PRKACB: variants seen among roughly 807,000 people sequenced by gnomAD.
PRKACB encodes cAMP-dependent protein kinase catalytic subunit beta.
A neutral mutation model predicts 51.4 loss-of-function variants in PRKACB; 16 were observed. The ratio of observed to expected loss-of-function variants is 0.31; its 90% CI spans 0.21 to 0.47. The LOEUF (loss-of-function observed/expected upper bound fraction) is 0.47. Among genes scored for constraint, PRKACB ranks in the 20% least tolerant of loss-of-function variants. PRKACB has a pLI of 1.00. For synonymous variants in PRKACB, 147 were observed against 154.4 expected, an observed-to-expected ratio of 0.95 and a Z score of 0.35; for missense variants, 309 against 464.5, an observed-to-expected ratio of 0.67 and a Z score of 3.08.
chr1:84,206,186 A>T (rs1671315516), intron 8 of PRKACB, among the ~76,000 whole-genome samples: 1 of 152,214 alleles, frequency 6.6e-6, no homozygotes, highest in Non-Finnish European at 1.5e-5. Context: ...CAACATATCT[A>T]ATGTAAATAT....
At chr1:84,204,382 G>A in intron 8 of PRKACB, 2 of 890,334 alleles carry the variant, frequency 2.2e-6, no homozygotes, top group Non-Finnish European at 3.7e-6. Flanking sequence ...GCAGAATGCA[G>A]TACTTATTTA....
chr1:84,097,134 T>C (rs935359103), intron 1 of PRKACB, among the ~76,000 whole-genome samples: 1 of 152,080 alleles, frequency 6.6e-6, no homozygotes, highest in Non-Finnish European at 1.5e-5. Flanking sequence ...TTTTTCTTTC[T>C]ACATTTGATG....
At position 84,127,887 on chromosome 1, in the gene PRKACB, T is replaced by C. The variant is rs188300433; in HGVS notation, c.46+49516T>C. 1.2e-3 allele frequency among the ~76,000 whole-genome samples: 177 copies of C among 152,180 alleles called. 1 individual carries two copies. Among genetic ancestry groups the C allele is most frequent in the Non-Finnish European group, 1.9e-3 (131 of 67,968 alleles). ...ATAAATATGTACTTAGTGGGAATTT[T>C]TTGTTTAAAGTAAGCCAATTTGCCA... On this transcript the variant is annotated intron_variant, in intron 1 of 8. Coordinates refer to the PRKACB transcript ENST00000370688.
At chr1:84,120,181 T>A (rs1193874605) in intron 1 of PRKACB, among the ~76,000 whole-genome samples, 1 of 152,138 alleles carries the variant, frequency 6.6e-6, no homozygotes, top group Non-Finnish European at 1.5e-5. Flanking sequence ...AATTCATATT[T>A]CTTGAAGAGT....
chr1:84,103,606 G>A (rs559799202), intron 1 of PRKACB, among the ~76,000 whole-genome samples: 4 of 152,240 alleles, frequency 2.6e-5, no homozygotes, highest in South Asian at 2.1e-4. Context: ...CCAGCTTCTC[G>A]CAGCTGTTGA....
intron 1 of PRKACB, among the ~76,000 whole-genome samples, chr1:84,101,890 A>G (rs1404608321): frequency 6.6e-6 from 1 of 152,172 alleles, no homozygotes; most frequent in Non-Finnish European, 1.5e-5. Flanking sequence ...AGAATTCTCT[A>G]GATTCCTGTG....
At chr1:84,165,886 A>G (rs1657280645) in intron 1 of PRKACB, among the ~76,000 whole-genome samples, 1 of 151,760 alleles carries the variant, frequency 6.6e-6, no homozygotes, top group Non-Finnish European at 1.5e-5. Context: ...GAAGTAGAAT[A>G]TGGTTTCTCT....
chr1:84,182,436 T>G (rs1318609986), intron 3 of PRKACB, 108 bp downstream of exon 3: 1 of 835,614 alleles, frequency 1.2e-6, no homozygotes, highest in Middle Eastern at 4.2e-4. Flanking sequence ...TCAAATAATT[T>G]TATTATTAAA....
In PRKACB at chr1:84,214,328, C is replaced by CT; in HGVS notation, c.1071+17dup. ...ATTTACCAGAGGAAGGTGAGACTTTCTTTTTTAATTTAAAAGCTTTTTTAA... is the reference window on the plus strand; with the variant it reads ...ATTTACCAGAGGAAGGTGAGACTTTCTTTTTTTAATTTAAAAGCTTTTTTAA... On this transcript the variant is annotated intron_variant, in intron 9 of 9. Coordinates refer to ENST00000370685, the MANE Select transcript of PRKACB (RefSeq NM_182948.4). The CT allele has an allele frequency of 1.3e-6, 2 of 1,549,606 alleles. No homozygotes were observed.
intron 1 of PRKACB, chr1:84,173,321 T>G: frequency 1.3e-6 from 2 of 1,568,272 alleles, no homozygotes; most frequent in Middle Eastern, 1.7e-4. Context: ...TTATTCTTTT[T>G]GATCAAGCAC....
intron 1 of PRKACB, among the ~76,000 whole-genome samples, chr1:84,119,282 G>T (rs1225880740): frequency 6.6e-6 from 1 of 152,042 alleles, no homozygotes; most frequent in Non-Finnish European, 1.5e-5. Flanking sequence ...CTAGTGGGGA[G>T]AACTTTATTT....
At chr1:84,203,332 C>T (rs1351565483) in intron 8 of PRKACB, among the ~76,000 whole-genome samples, 1 of 151,966 alleles carries the variant, frequency 6.6e-6, no homozygotes, top group Non-Finnish European at 1.5e-5. Flanking sequence ...TTTTAGCAAA[C>T]ATGGAAATAA....
intron 7 of PRKACB, among the ~76,000 whole-genome samples, chr1:84,199,924 C>T (rs539664319): frequency 1.3e-5 from 2 of 152,250 alleles, no homozygotes; most frequent in Non-Finnish European, 2.9e-5. Context: ...CGGTTCACTA[C>T]AACCTCTGCC....
intron 9 of PRKACB, among the ~76,000 whole-genome samples, chr1:84,232,622 A>G (rs1168594923): frequency 6.6e-6 from 1 of 152,110 alleles, no homozygotes; most frequent in South Asian, 2.1e-4. Context: ...TATATTTAGG[A>G]TAGTTAGCTC....
chr1:84,134,243 G>C (rs1200244081), intron 1 of PRKACB, among the ~76,000 whole-genome samples: 1 of 152,142 alleles, frequency 6.6e-6, no homozygotes, highest in Non-Finnish European at 1.5e-5. Flanking sequence ...TTGGGGCAGG[G>C]CAGGCCATGG....
chr1:84,192,364 T>A lies in PRKACB; in HGVS notation c.561-4252T>A, dbSNP rs937742409. ...CTGTACAATATTTTCTTGTCTCAAT[T>A]CTTTGTCCCTGAAGGTAAGATTGTT... is the stretch of plus-strand genomic sequence containing the variant. On this transcript the variant is annotated intron_variant, in intron 5 of 9. Coordinates refer to ENST00000370685, the MANE Select transcript of PRKACB (RefSeq NM_182948.4). Among the ~76,000 whole-genome samples the A allele has an allele frequency of 5.9e-5, 9 of 152,188 alleles. 1 individual carries two copies. Among genetic ancestry groups the A allele is most frequent in the Admixed American group, 5.9e-4 (9 of 15,268 alleles).
rs1672453002 is a variant in PRKACB, at chr1:84,213,619, A to G, written c.907-534A>G. Among the ~76,000 whole-genome samples the G allele has an allele frequency of 1.3e-5, 2 of 152,216 alleles. 1 individual carries two copies. The highest frequency in any genetic ancestry group is 3.8e-4 in the East Asian group (2 of 5,200). On this transcript the variant is annotated intron_variant, in intron 8 of 9. Transcript: ENST00000370685. Reference sequence around the variant, plus strand: ...GCATAATAGGAGAATTATTTTTAAAAGCCAACTTCTGATAAATGAAAAATG... The same window carrying G: ...GCATAATAGGAGAATTATTTTTAAAGGCCAACTTCTGATAAATGAAAAATG...
intron 1 of PRKACB, among the ~76,000 whole-genome samples, chr1:84,152,846 C>T (rs185875597): frequency 2.0e-5 from 3 of 152,280 alleles, no homozygotes; most frequent in East Asian, 3.9e-4. Flanking sequence ...ACTGGAGCAG[C>T]ACTTTTAGTT....
At chr1:84,117,825 A>T (rs1650753516) in intron 1 of PRKACB, among the ~76,000 whole-genome samples, 1 of 152,126 alleles carries the variant, frequency 6.6e-6, no homozygotes, top group East Asian at 1.9e-4. Context: ...TCTTCAGCTA[A>T]TTTGGAGTTT....
Sources: allele counts gnomAD v4.1 joint callset (sites outside exome capture counted in the v4.1 genomes callset), GRCh38; gene constraint gnomAD v4.1.1; transcripts MANE v1.5; gene names NCBI Gene and HGNC (gene_info 2026-07-23, HGNC 2026-07-21).